The following XKR6 variants were observed in gnomAD, a reference collection of about 807,000 sequenced individuals.
XKR6 encodes XK-related protein 6.
In XKR6, 22 loss-of-function variants were observed where a neutral mutation model predicts 56.7. The ratio of observed to expected loss-of-function variants is 0.39; its 90% CI spans 0.28 to 0.55. The LOEUF (loss-of-function observed/expected upper bound fraction) is 0.55. Ranked by LOEUF, XKR6 falls within the 20% of genes least tolerant of loss-of-function variation. XKR6 has a pLI of 0.66. For synonymous variants in XKR6, 524 were observed against 387.8 expected (o/e 1.35, Z -4.13); for missense variants, 852 against 889.0 (o/e 0.96, Z 0.53).
At chr8:10,948,281 T>G (rs1409009437) in intron 1 of XKR6, among the ~76,000 whole-genome samples, 3 of 152,202 alleles carry the variant, frequency 2.0e-5, no homozygotes, top group Admixed American at 6.5e-5. Flanking sequence ...ATCCAGCAGA[T>G]GGACCCTCTC....
At chr8:10,925,358 G>C (rs1272565414) in intron 1 of XKR6, among the ~76,000 whole-genome samples, 3 of 152,208 alleles carry the variant, frequency 2.0e-5, no homozygotes, top group Non-Finnish European at 2.9e-5. Context: ...ACATGATACA[G>C]ACAGGAAACA....
At chr8:10,962,648 CAG>C (rs1563314531) in intron 1 of XKR6, among the ~76,000 whole-genome samples, 1 of 151,726 alleles carries the variant, frequency 6.6e-6, no homozygotes, top group East Asian at 1.9e-4. Context: ...GTTTTTGAGA[CAG>C]AGTCTCACTC....
intron 1 of XKR6, among the ~76,000 whole-genome samples, chr8:10,990,462 A>G (rs552769571): frequency 5.0e-4 from 76 of 152,192 alleles, no homozygotes; most frequent in Non-Finnish European, 7.4e-5. Context: ...CAGTAGTTGG[A>G]GAAGAAATAC....
intron 1 of XKR6, among the ~76,000 whole-genome samples, chr8:10,974,402 G>C (rs182801655): frequency 2.0e-5 from 3 of 152,288 alleles, no homozygotes; most frequent in African/African-American, 7.2e-5. Flanking sequence ...ACCAGGTGAG[G>C]GCAACAGAGT....
intron 1 of XKR6, among the ~76,000 whole-genome samples, chr8:11,076,803 GC>G (rs1763903807): frequency 6.6e-6 from 1 of 152,190 alleles, no homozygotes; most frequent in African/African-American, 2.4e-5. Context: ...GCAGTCCCGT[GC>G]CCACTGCTAC....
At chr8:11,028,911 A>C (rs947966490) in intron 1 of XKR6, among the ~76,000 whole-genome samples, 1 of 151,950 alleles carries the variant, frequency 6.6e-6, no homozygotes, top group Non-Finnish European at 1.5e-5. Context: ...TGGGATGTGA[A>C]CTCTCTGCAG....
At chr8:11,160,537 C>A (rs960862623) in intron 1 of XKR6, among the ~76,000 whole-genome samples, 1 of 152,172 alleles carries the variant, frequency 6.6e-6, no homozygotes, top group Non-Finnish European at 1.5e-5. Flanking sequence ...AAAAAGTAGA[C>A]TTTGTATAGC....
At chr8:10,984,693 T>C (rs1010434161) in intron 1 of XKR6, among the ~76,000 whole-genome samples, 7 of 103,082 alleles carry the variant, frequency 6.8e-5, no homozygotes, top group Non-Finnish European at 1.2e-4. Context: ...ATAAAATACA[T>C]GGCTCTCTCT....
intron 1 of XKR6, among the ~76,000 whole-genome samples, chr8:11,089,553 C>G (rs113709508): frequency 0.012 from 1,868 of 152,248 alleles, 39 homozygotes; most frequent in African/African-American, 0.043. Flanking sequence ...AGGAGGATTT[C>G]TTAAATCTAG....
chr8:11,114,739 G>C (rs865850029), intron 1 of XKR6, among the ~76,000 whole-genome samples: 5 of 121,384 alleles, frequency 4.1e-5, no homozygotes, highest in Non-Finnish European at 7.7e-5. Context: ...GTGTGTGTGT[G>C]TGTGTGTGTG....
In XKR6 at chr8:10,896,654, T is replaced by G. The variant is rs1344364882; in HGVS notation, c.*1298A>C. 6.6e-6 allele frequency: 1 copy of G among 152,388 alleles called. No individual in the cohort carries two copies. The highest frequency in any genetic ancestry group is 1.5e-5 in the Non-Finnish European group (1 of 68,008). The allele number at this position is 152,388 out of a possible 1,614,324, so 9.4% of individuals were successfully genotyped here. ...CTGAATGATTTTCAGCCAACCACAA[T>G]GGTGAAAGACAGAAGCACCAAACAG... On this transcript the variant is annotated 3_prime_UTR_variant, in exon 3 of 3. Transcript: ENST00000416569.
chr8:10,930,284 A>C (rs192834802), intron 1 of XKR6, among the ~76,000 whole-genome samples: 61 of 152,336 alleles, frequency 4.0e-4, no homozygotes, highest in African/African-American at 1.4e-3. Flanking sequence ...AACCACCTTC[A>C]AAGCCCCAAA....
chr8:11,034,342 A>T (rs1799084038), intron 1 of XKR6, among the ~76,000 whole-genome samples: 1 of 152,166 alleles, frequency 6.6e-6, no homozygotes, highest in Non-Finnish European at 1.5e-5. Context: ...ACAAAATAAC[A>T]AGAAGGGTGC....
At chr8:11,169,092 G>A (rs937454307) in intron 1 of XKR6, among the ~76,000 whole-genome samples, 1 of 152,180 alleles carries the variant, frequency 6.6e-6, no homozygotes, top group Non-Finnish European at 1.5e-5. Context: ...AGGCCAAGCT[G>A]AGTAGGCTTT....
intron 1 of XKR6, chr8:11,104,550 T>C (rs1254378639): frequency 2.6e-5 from 4 of 152,248 alleles, no homozygotes; most frequent in African/African-American, 9.6e-5. Flanking sequence ...TTTCTCTTCC[T>C]TCAGGGCGCT....
At chr8:10,985,303 T>C (rs1319993646) in intron 1 of XKR6, among the ~76,000 whole-genome samples, 1 of 151,924 alleles carries the variant, frequency 6.6e-6, no homozygotes, top group Non-Finnish European at 1.5e-5. Flanking sequence ...ATCTGATGGT[T>C]TTATAAAGGA....
At chr8:10,905,385 C>T (rs1800157051) in intron 2 of XKR6, among the ~76,000 whole-genome samples, 1 of 152,168 alleles carries the variant, frequency 6.6e-6, no homozygotes, top group Admixed American at 6.5e-5. Context: ...TAGCTGTTCC[C>T]CAGTTCTCTT....
At chr8:11,091,605 G>A (rs1172990588) in intron 1 of XKR6, among the ~76,000 whole-genome samples, 1 of 152,194 alleles carries the variant, frequency 6.6e-6, no homozygotes, top group Admixed American at 6.5e-5. Flanking sequence ...TGCAGGAATA[G>A]GGGAGGAGGC....
intron 1 of XKR6, among the ~76,000 whole-genome samples, chr8:10,948,359 C>G (rs1430060934): frequency 2.0e-5 from 3 of 152,180 alleles, no homozygotes; most frequent in Non-Finnish European, 4.4e-5. Flanking sequence ...AGCACCGCAT[C>G]TGCTGTGTGT....
Sources: gnomAD v4.1 joint callset for allele counts (sites outside exome capture counted in the v4.1 genomes callset) on GRCh38, gnomAD v4.1.1 for gene constraint, MANE v1.5 for transcripts, NCBI Gene and HGNC (gene_info 2026-07-23, HGNC 2026-07-21) for gene names.